Variants in MAML3 observed in about 807,000 individuals in gnomAD.
MAML3 encodes the protein mastermind like transcriptional coactivator 3.
MAML3 carries 27 observed loss-of-function variants against 101.9 expected under a neutral mutation model. That is an observed-to-expected ratio of 0.27 (90% CI 0.20 to 0.37). The LOEUF is 0.37. MAML3 is among the 10% of genes least tolerant of loss of function. The probability of loss-of-function intolerance (pLI) is 1.00; values close to 1 mark genes in which losing one functional copy is unlikely to be tolerated. For missense variants in MAML3, 1,316 were observed against 1,444.9 expected, an observed-to-expected ratio of 0.91 and a Z score of 1.45; for synonymous variants, 501 against 555.9, an observed-to-expected ratio of 0.90 and a Z score of 1.39.
At chr4:139,991,348 T>A (rs1321585034) in intron 1 of MAML3, among the ~76,000 whole-genome samples, 1 of 152,182 alleles carries the variant, frequency 6.6e-6, no homozygotes, top group Non-Finnish European at 1.5e-5. Flanking sequence ...AGGCTAGCCA[T>A]ATGTAGAAAG....
At chr4:139,789,558 T>C (rs1389784878) in intron 2 of MAML3, among the ~76,000 whole-genome samples, 1 of 152,106 alleles carries the variant, frequency 6.6e-6, no homozygotes, top group African/African-American at 2.4e-5. Context: ...TGTGAAGGCA[T>C]GGCAGGGGGA....
intron 2 of MAML3, among the ~76,000 whole-genome samples, chr4:139,786,703 G>A (rs974339027): frequency 1.3e-5 from 2 of 152,150 alleles, no homozygotes; most frequent in Non-Finnish European, 2.9e-5. Flanking sequence ...TGCCGTCACC[G>A]GGCAGGCTGT....
In MAML3 at chr4:139,719,623, G is replaced by A; in HGVS notation, c.3117C>T (p.Gly1039=). Residue 1039 remains glycine, a synonymous_variant, in exon 5 of 5, where the codon GGC becomes GGT. Coordinates refer to ENST00000509479, the MANE Select transcript of MAML3 (RefSeq NM_018717.5). ...TGACCATTGGCCTCGCCTGGCTGGT[G>A]CCTTGCTGCCCCGGGAGCGATGGCA... ...QMMPSLPGQQ[G]TSQARPMVMS... 1.2e-6 allele frequency: 2 copies of A among 1,612,410 alleles called. No homozygotes were observed. The highest frequency in any genetic ancestry group is 1.1e-5 in the South Asian group (1 of 90,840).
intron 2 of MAML3, among the ~76,000 whole-genome samples, chr4:139,810,572 A>G (rs1001795586): frequency 7.9e-5 from 12 of 152,288 alleles, no homozygotes; most frequent in African/African-American, 2.9e-4. Context: ...CAGAGCACAG[A>G]GGGATCTGTG....
At position 139,948,452 on chromosome 4, in the gene MAML3, A is replaced by T. The variant is rs907951685; in HGVS notation, c.469-57485T>A. Among the ~76,000 whole-genome samples, 14 of 152,244 alleles carry T rather than the reference A, an allele frequency of 9.2e-5. No individual in the cohort carries two copies. In the South Asian group the frequency reaches 2.9e-3, roughly 31 times the overall value. On this transcript the variant is annotated intron_variant, in intron 1 of 4. Coordinates refer to ENST00000509479, the MANE Select transcript of MAML3 (RefSeq NM_018717.5). ...CTCATCAGGAAACTGCTTCCAAGAC[A>T]TTTAACATTCATAGGTGTATTAGCT...
At chr4:139,757,423 G>A (rs1729675444) in intron 2 of MAML3, among the ~76,000 whole-genome samples, 1 of 152,078 alleles carries the variant, frequency 6.6e-6, no homozygotes, top group African/African-American at 2.4e-5. Context: ...GCTGAGGCAC[G>A]TGGATCACCT....
intron 4 of MAML3, among the ~76,000 whole-genome samples, chr4:139,724,502 A>G (rs1408151088): frequency 1.3e-5 from 2 of 152,220 alleles, no homozygotes; most frequent in African/African-American, 4.8e-5. Flanking sequence ...GATAAAGTTC[A>G]GGGATACTTG....
intron 1 of MAML3, among the ~76,000 whole-genome samples, chr4:140,094,656 C>T (rs1210020310): frequency 1.3e-5 from 2 of 152,194 alleles, no homozygotes; most frequent in African/African-American, 2.4e-5. Flanking sequence ...CGGTGGCCAA[C>T]GTGAACTTCC....
intron 1 of MAML3, among the ~76,000 whole-genome samples, chr4:140,027,538 G>T (rs143650637): frequency 6.6e-6 from 1 of 152,320 alleles, no homozygotes; most frequent in East Asian, 1.9e-4. Context: ...GAGCAGGGTA[G>T]TTCCCTTCAA....
At chr4:139,783,245 G>C (rs757168891) in intron 2 of MAML3, among the ~76,000 whole-genome samples, 2 of 152,230 alleles carry the variant, frequency 1.3e-5, no homozygotes, top group Non-Finnish European at 2.9e-5. Context: ...CGAGGACACA[G>C]TCTTCACCAG....
chr4:139,994,146 T>A (rs1734756688), intron 1 of MAML3, among the ~76,000 whole-genome samples: 1 of 152,202 alleles, frequency 6.6e-6, no homozygotes, highest in South Asian at 2.1e-4. Context: ...GACCATAATA[T>A]AAGCATTTAT....
Position 140,114,326 on chromosome 4 carries a change from T to G in MAML3, c.468+38534A>C, listed in dbSNP as rs10519524. Among the ~76,000 whole-genome samples the G allele has an allele frequency of 3.9e-5, 6 of 152,068 alleles. No individual in the cohort carries two copies. In the East Asian group the frequency reaches 5.8e-4, roughly 15 times the overall value. On this transcript the variant is annotated intron_variant, in intron 1 of 4. Transcript: ENST00000509479. Reference sequence around the variant, plus strand: ...TATCTGTGCTGTTCCTTGAATTTCCTGCAATCTCAACAGTACCTGGCACAG... The same window carrying G: ...TATCTGTGCTGTTCCTTGAATTTCCGGCAATCTCAACAGTACCTGGCACAG...
chr4:139,824,304 G>A (rs1731023759), intron 2 of MAML3, among the ~76,000 whole-genome samples: 1 of 152,182 alleles, frequency 6.6e-6, no homozygotes, highest in Non-Finnish European at 1.5e-5. Context: ...AATGCCGCAC[G>A]CATTTGTTTT....
intron 2 of MAML3, among the ~76,000 whole-genome samples, chr4:139,886,400 A>G (rs1281905933): frequency 6.6e-6 from 1 of 152,190 alleles, no homozygotes; most frequent in African/African-American, 2.4e-5. Flanking sequence ...TAGAAAATTC[A>G]GTTAAATATA....
intron 1 of MAML3, among the ~76,000 whole-genome samples, chr4:140,013,824 T>C (rs1408003274): frequency 6.6e-6 from 1 of 152,198 alleles, no homozygotes. Flanking sequence ...GTGTTTTGGG[T>C]ACCTAGGTGC....
chr4:139,879,719 A>G (rs1732181886), intron 2 of MAML3, among the ~76,000 whole-genome samples: 1 of 1,516 alleles, frequency 6.6e-4, no homozygotes, highest in African/African-American at 7.5e-3. Context: ...TGGCAGTGGA[A>G]TCTGATTGAT....
At chr4:140,141,807 C>A (rs879434270) in intron 1 of MAML3, among the ~76,000 whole-genome samples, 1 of 152,138 alleles carries the variant, frequency 6.6e-6, no homozygotes, top group Non-Finnish European at 1.5e-5. Flanking sequence ...GTTAAGGAGA[C>A]ATAATTATCA....
intron 1 of MAML3, among the ~76,000 whole-genome samples, chr4:140,069,332 GAA>G (rs1727590859): frequency 9.1e-6 from 1 of 109,922 alleles, no homozygotes; most frequent in African/African-American, 3.1e-5. Context: ...AGAAGAAGGA[GAA>G]GGAGAAGGAG....
chr4:139,749,660 C>T (rs983052181), intron 2 of MAML3, among the ~76,000 whole-genome samples: 1 of 152,214 alleles, frequency 6.6e-6, no homozygotes, highest in African/African-American at 2.4e-5. Flanking sequence ...TGCATGAGCA[C>T]TTCTGGACAA....
Sources: allele counts gnomAD v4.1 joint callset (sites outside exome capture counted in the v4.1 genomes callset), GRCh38; gene constraint gnomAD v4.1.1; transcripts MANE v1.5; gene names NCBI Gene and HGNC (gene_info 2026-07-23, HGNC 2026-07-21).